Variants in GGT1 observed in about 807,000 individuals in gnomAD.
GGT1 encodes the protein gamma-glutamyltransferase 1, also known as glutathione hydrolase 1 proenzyme.
Under a neutral mutation model 56.0 loss-of-function variants are expected in GGT1, and 21 were observed. The ratio of observed to expected loss-of-function variants is 0.38; its 90% CI spans 0.27 to 0.54. The LOEUF (loss-of-function observed/expected upper bound fraction) is 0.54. Among genes scored for constraint, GGT1 ranks in the 20% least tolerant of loss-of-function variants. GGT1 has a pLI of 0.82. For synonymous variants in GGT1, 238 were observed against 342.6 expected (o/e 0.69, Z 3.37); for missense variants, 466 against 787.0 (o/e 0.59, Z 4.88).
At chr22:24,604,267 C>G (rs2045893418) in intron 1 of GGT1, among the ~76,000 whole-genome samples, 2 of 152,132 alleles carry the variant, frequency 1.3e-5, no homozygotes, top group Admixed American at 6.6e-5. Context: ...CGTAAAATCC[C>G]TTTTGTCTAA....
chr22:24,598,861 G>A (rs2045737822), upstream of GGT1, among the ~76,000 whole-genome samples: 1 of 152,124 alleles, frequency 6.6e-6, no homozygotes, highest in Non-Finnish European at 1.5e-5. Flanking sequence ...CCATGGATGA[G>A]TTCTTGTTCC....
At chr22:24,626,914 C>T (rs1270239659) in intron 11 of GGT1, among the ~76,000 whole-genome samples, 3 of 150,108 alleles carry the variant, frequency 2.0e-5, no homozygotes, top group Non-Finnish European at 4.4e-5. Context: ...ATACCACCTG[C>T]CTCAGGGCCT....
chr22:24,626,852 C>T, intron 11 of GGT1, among the ~76,000 whole-genome samples: 1 of 151,062 alleles, frequency 6.6e-6, no homozygotes, highest in African/African-American at 2.5e-5. Context: ...GCATCTTCAT[C>T]CTCTTCTCCC....
At chr22:24,587,218 G>C in the GGT1 span, among the ~76,000 whole-genome samples, 3 of 152,246 alleles carry the variant, frequency 2.0e-5, no homozygotes, top group Non-Finnish European at 4.4e-5. Flanking sequence ...ACCGGGGATA[G>C]AGAGGGACAG....
the GGT1 span, chr22:24,586,460 C>T: frequency 4.5e-6 from 7 of 1,562,280 alleles, no homozygotes; most frequent in Admixed American, 5.2e-5. Flanking sequence ...AGGCAGTCCC[C>T]CCACTGACCA....
At chr22:24,615,264 C>T in intron 7 of GGT1, 137 bp downstream of exon 7, 1 of 637,098 alleles carries the variant, frequency 1.6e-6, no homozygotes, top group Non-Finnish European at 2.8e-6. Flanking sequence ...GTCCCCATAG[C>T]ACCCTCCCAC....
intron 11 of GGT1, among the ~76,000 whole-genome samples, chr22:24,626,523 C>A (rs1317515285): frequency 6.6e-6 from 1 of 151,720 alleles, no homozygotes; most frequent in Non-Finnish European, 1.5e-5. Flanking sequence ...AATACGTGCA[C>A]CCATGCTCTT....
upstream of GGT1, among the ~76,000 whole-genome samples, chr22:24,598,660 C>T (rs2045734207): frequency 6.6e-6 from 1 of 151,948 alleles, no homozygotes; most frequent in Admixed American, 6.6e-5. Flanking sequence ...CTCAAGTGAT[C>T]CTCCCCCCTC....
chr22:24,603,907 C>T (rs1202556781), intron 1 of GGT1, among the ~76,000 whole-genome samples: 1 of 151,872 alleles, frequency 6.6e-6, no homozygotes, highest in African/African-American at 2.4e-5. Context: ...GGGGTCATTG[C>T]CCAACTCCAG....
chr22:24,594,949 G>C (rs2070477), intron 1 of GGT1: 1 of 152,164 alleles, frequency 6.6e-6, no homozygotes, highest in Non-Finnish European at 1.5e-5. Context: ...AGGGCTCCCA[G>C]ATCCTGACCA....
At chr22:24,586,600 C>T in the GGT1 span, among the ~76,000 whole-genome samples, 19 of 152,374 alleles carry the variant, frequency 1.2e-4, no homozygotes, top group South Asian at 2.3e-3. Flanking sequence ...GGCACAATCT[C>T]GGCTTACGGC....
At chr22:24,602,955 C>T (rs1295295385), upstream of GGT1, among the ~76,000 whole-genome samples, 1 of 152,134 alleles carries the variant, frequency 6.6e-6, no homozygotes, top group Non-Finnish European at 1.5e-5. Context: ...CTCATTCAGC[C>T]CCACCGAGGC....
At chr22:24,612,374 A>G (rs1196713496) in intron 5 of GGT1, among the ~76,000 whole-genome samples, 2 of 151,062 alleles carry the variant, frequency 1.3e-5, no homozygotes, top group South Asian at 2.1e-4. Context: ...ACATATGTAC[A>G]TATGTACACA....
intron 11 of GGT1, 107 bp downstream of exon 11, chr22:24,624,023 C>G: frequency 6.5e-7 from 1 of 1,544,566 alleles, no homozygotes; most frequent in Non-Finnish European, 8.7e-7. Flanking sequence ...GAATCCATTC[C>G]TGCCACAGAC....
upstream of GGT1, chr22:24,590,094 A>G (rs930095931): frequency 1.6e-5 from 15 of 963,052 alleles, no homozygotes; most frequent in Non-Finnish European, 2.1e-5. Context: ...ACAGGCGGCC[A>G]TGGGCCAACA....
In GGT1 at chr22:24,620,536, C is replaced by T. The variant is rs1009549545; in HGVS notation, c.575+16C>T. On this transcript the variant is annotated intron_variant, in intron 8 of 15. Coordinates refer to ENST00000400382, the MANE Select transcript of GGT1 (RefSeq NM_001288833.2). This position sits in a 1 kb window ranked among gnomAD's most constrained non-coding sequence, Gnocchi z 5.6. Reference sequence around the variant, plus strand: ...CTGTCTTGTGGTATGTCTGTGGGTGCGGCCCCCTGACACAGGCAGGGCAGG... The same window carrying T: ...CTGTCTTGTGGTATGTCTGTGGGTGTGGCCCCCTGACACAGGCAGGGCAGG... The T allele has an allele frequency of 1.7e-5, 28 of 1,611,376 alleles. No individual in the cohort carries two copies. Among genetic ancestry groups the T allele is most frequent in the Non-Finnish European group, 2.1e-5 (25 of 1,179,640 alleles).
intron 11 of GGT1, among the ~76,000 whole-genome samples, chr22:24,626,491 T>G (rs1161710096): frequency 6.7e-6 from 1 of 149,206 alleles, no homozygotes; most frequent in East Asian, 2.0e-4. Context: ...CGTGAACCCA[T>G]GCTTATTTAT....
rs183988982 is a variant in GGT1, at chr22:24,608,127, C to T, written c.-359+104C>T. The T allele has an allele frequency of 1.7e-3, 646 of 386,414 alleles. 7 individuals carry two copies. Among genetic ancestry groups the T allele is most frequent in the African/African-American group, 0.013 (589 of 46,706 alleles). 23.9% of individuals were successfully genotyped at this position (386,414 alleles called of 1,614,324 possible). ...TTTCCCCTAGTGTGTGCAGCTCTCA[C>T]GCTGTTTGGGTGAGAACCAGGCCTC... On this transcript the variant is annotated intron_variant, in intron 2 of 15. Coordinates refer to ENST00000400382, the MANE Select transcript of GGT1 (RefSeq NM_001288833.2).
chr22:24,592,764 G>C (rs1449140294), upstream of GGT1: 2 of 1,285,404 alleles, frequency 1.6e-6, no homozygotes, highest in Non-Finnish European at 2.0e-6. Context: ...CCTCCCGGCG[G>C]ATACAGGCCC....
Sources: gnomAD v4.1 joint callset for allele counts (sites outside exome capture counted in the v4.1 genomes callset) on GRCh38, gnomAD v4.1.1 for gene constraint, Gnocchi (gnomAD v3.1) non-coding constraint, MANE v1.5 for transcripts, NCBI Gene and HGNC (gene_info 2026-07-23, HGNC 2026-07-21) for gene names.